Variants in TM7SF3 observed in about 807,000 individuals in gnomAD.
TM7SF3 encodes the protein seven span transmembrane protein.
In TM7SF3, 60 loss-of-function variants were observed where a neutral mutation model predicts 65.5. The observed-to-expected ratio is 0.92, with a 90% CI of 0.74 to 1.14. The LOEUF (loss-of-function observed/expected upper bound fraction) is 1.14. TM7SF3 is among the 50% of genes most tolerant of loss of function. The pLI is 0.00. For synonymous variants in TM7SF3, 264 were observed against 259.6 expected, an observed-to-expected ratio of 1.02 and a Z score of -0.16; for missense variants, 623 against 684.8, an observed-to-expected ratio of 0.91 and a Z score of 1.01.
intron 1 of TM7SF3, among the ~76,000 whole-genome samples, chr12:27,011,979 A>G (rs757821064): frequency 5.9e-5 from 9 of 152,216 alleles, no homozygotes; most frequent in Non-Finnish European, 1.0e-4. Context: ...CTCCTGACTC[A>G]GGGGCTGGCC....
chr12:26,982,959 C>G, intron 6 of TM7SF3, 100 bp from the exon 7 acceptor site: 1 of 779,802 alleles, frequency 1.3e-6, no homozygotes, highest in Non-Finnish European at 2.0e-6. Flanking sequence ...AGTGAACTGA[C>G]ATAATTTATC....
intron 3 of TM7SF3, among the ~76,000 whole-genome samples, chr12:26,997,787 C>T (rs1387641575): frequency 2.0e-5 from 3 of 149,352 alleles, no homozygotes; most frequent in African/African-American, 7.4e-5. Flanking sequence ...TCAGTCAGTT[C>T]TCTTGACCTC....
intron 9 of TM7SF3, among the ~76,000 whole-genome samples, chr12:26,977,016 A>AAACT (rs1939597236): frequency 6.6e-6 from 1 of 152,044 alleles, no homozygotes; most frequent in Non-Finnish European, 1.5e-5. Context: ...ACTCCTCTTT[A>AAACT]TAAATTAAGT....
Position 26,982,806 on chromosome 12 carries a change from T to A in TM7SF3, c.922A>T (p.Ile308Phe). ...CAGAATCTGTGTCCAAAGAAACAAA[T>A]GAAGAAACCAAGCAGGGCAAAAAGA... is the stretch of plus-strand genomic sequence containing the variant. ...FTLFALLGFF[I>F]CFFGHRFWKT... Residue 308 changes from isoleucine to phenylalanine, a missense_variant, in exon 7 of 12, where the codon ATT (isoleucine) becomes TTT (phenylalanine). Physicochemically the swap from Ile to Phe is conservative, Grantham distance 21. Coordinates refer to ENST00000343028, the MANE Select transcript of TM7SF3 (RefSeq NM_016551.3). The A allele has an allele frequency of 6.2e-7, 1 of 1,609,014 alleles. No homozygotes were observed. Among genetic ancestry groups the A allele is most frequent in the South Asian group, 1.1e-5 (1 of 89,806 alleles).
chr12:26,973,801 TAATC>T lies in TM7SF3; in HGVS notation c.*160_*163del, dbSNP rs1355137816. On this transcript the variant is annotated 3_prime_UTR_variant, in exon 12 of 12. Transcript: ENST00000343028. ...CTTTCTCATTCTCTTACAATCATCCTAATCCCCTAGTACACCCTTACCATATATC... is the reference window on the plus strand; with the variant it reads ...CTTTCTCATTCTCTTACAATCATCCTCCCTAGTACACCCTTACCATATATC... 1.2e-6 allele frequency: 1 copy of T among 860,460 alleles called. No homozygotes were observed. Among genetic ancestry groups the T allele is most frequent in the East Asian group, 2.7e-5 (1 of 36,838 alleles). 53.3% of individuals were successfully genotyped at this position (860,460 alleles called of 1,614,324 possible).
In TM7SF3 at chr12:26,976,303, A is replaced by G. The variant is rs1370016846; in HGVS notation, c.1244T>C (p.Ile415Thr). Reference protein sequence around the residue: ...DGVFWVTFSCIAILIPVVFMG... With the variant: ...DGVFWVTFSCTAILIPVVFMG... The stretch of plus-strand genomic sequence containing the variant: ...GAAAACTACTGGAATGAGGATAGCT[A>G]TGCAAGAGAAAGTGACCCAGAATAC... The change falls in exon 10 of 12, where the codon ATA (isoleucine) becomes ACA (threonine). Residue 415 changes from isoleucine to threonine, a missense_variant. Coordinates refer to ENST00000343028, the MANE Select transcript of TM7SF3 (RefSeq NM_016551.3). The G allele has an allele frequency of 6.2e-7, 1 of 1,614,080 alleles. No individual in the cohort carries two copies. The highest frequency in any genetic ancestry group is 8.5e-7 in the Non-Finnish European group (1 of 1,179,976).
intron 2 of TM7SF3, among the ~76,000 whole-genome samples, 165 bp downstream of exon 2, chr12:27,003,071 C>G (rs1224839813): frequency 1.3e-5 from 2 of 152,150 alleles, no homozygotes; most frequent in Non-Finnish European, 2.9e-5. Context: ...GCCTGAGATA[C>G]TCTCAGTCAC....
Position 26,974,060 on chromosome 12 carries a change from G to A in TM7SF3, c.1618C>T (p.Pro540Ser), listed in dbSNP as rs1462245234. 1.2e-6 allele frequency: 2 copies of A among 1,614,140 alleles called. No homozygotes were observed. The highest frequency in any genetic ancestry group is 1.7e-5 in the Admixed American group (1 of 60,014). The change falls in exon 12 of 12, where the codon CCA (proline) becomes TCA (serine). Residue 540 changes from proline (P) to serine (S), a missense_variant. Pro to Ser is a moderately conservative substitution (Grantham distance 74). Coordinates refer to ENST00000343028, the MANE Select transcript of TM7SF3 (RefSeq NM_016551.3). Reference protein sequence around the residue: ...NILDPSYHIPPLRERLYGRLT... With the variant: ...NILDPSYHIPSLRERLYGRLT... ...CGGCCATAGAGCCTCTCTCTCAATGGAGGAATGTGGTAGCTAGGGTCCAGA... is the reference window on the plus strand; with the variant it reads ...CGGCCATAGAGCCTCTCTCTCAATGAAGGAATGTGGTAGCTAGGGTCCAGA...
chr12:26,991,946 G>C (rs1408650093), intron 5 of TM7SF3, among the ~76,000 whole-genome samples: 1 of 152,142 alleles, frequency 6.6e-6, no homozygotes, highest in Non-Finnish European at 1.5e-5. Flanking sequence ...ATCGCAGGGG[G>C]CAGTCTTGTT....
intron 1 of TM7SF3, among the ~76,000 whole-genome samples, chr12:27,004,056 C>T (rs1940938361): frequency 6.6e-6 from 1 of 152,082 alleles, no homozygotes; most frequent in Non-Finnish European, 1.5e-5. Context: ...AAACTGAGTC[C>T]ATAAAAAAGA....
chr12:26,989,645 C>T, intron 6 of TM7SF3, among the ~76,000 whole-genome samples: 1 of 150,820 alleles, frequency 6.6e-6, no homozygotes, highest in South Asian at 2.1e-4. Flanking sequence ...TTCTGAGAAA[C>T]CATTTCAAGA....
At chr12:26,995,099 A>G (rs1314295611) in intron 5 of TM7SF3, 138 bp downstream of exon 5, 3 of 841,466 alleles carry the variant, frequency 3.6e-6, no homozygotes, top group African/African-American at 3.4e-5. Context: ...TCCCAAGATG[A>G]TAACAAAAGA....
chr12:26,997,804 G>A, intron 3 of TM7SF3, among the ~76,000 whole-genome samples: 1 of 148,288 alleles, frequency 6.7e-6, no homozygotes, highest in African/African-American at 2.5e-5. Context: ...CCTCTCCGTA[G>A]ACTGTAACTT....
At chr12:26,998,432 A>G (rs1271240970) in intron 3 of TM7SF3, among the ~76,000 whole-genome samples, 2 of 152,162 alleles carry the variant, frequency 1.3e-5, no homozygotes, top group African/African-American at 2.4e-5. Flanking sequence ...ATGTCCTACA[A>G]GCATCTCAGA....
At chr12:27,002,006 T>C (rs569525790) in intron 2 of TM7SF3, among the ~76,000 whole-genome samples, 1 of 152,266 alleles carries the variant, frequency 6.6e-6, no homozygotes, top group South Asian at 2.1e-4. Context: ...ATTCTTCCAT[T>C]TCTAGTCTAT....
At chr12:26,991,063 AC>A (rs1368156380) in intron 5 of TM7SF3, among the ~76,000 whole-genome samples, 2 of 152,104 alleles carry the variant, frequency 1.3e-5, no homozygotes, top group Non-Finnish European at 2.9e-5. Context: ...CATCTCGCAG[AC>A]AGTACCCACT....
chr12:27,012,939 A>T (rs1941302160), intron 1 of TM7SF3: 3 of 338,130 alleles, frequency 8.9e-6, no homozygotes, highest in African/African-American at 2.2e-5. Flanking sequence ...CGGAGGTTGC[A>T]GTCAGCCAAG....
chr12:27,002,451 T>C (rs979575221), intron 2 of TM7SF3, among the ~76,000 whole-genome samples: 1 of 151,924 alleles, frequency 6.6e-6, no homozygotes, highest in Non-Finnish European at 1.5e-5. Context: ...AAAATAAAAA[T>C]TTTAAAAATT....
chr12:26,990,777 G>A, intron 5 of TM7SF3, 150 bp from the exon 6 acceptor site: 1 of 572,660 alleles, frequency 1.7e-6, no homozygotes, highest in Non-Finnish European at 3.0e-6. Flanking sequence ...ATGGTCAAAA[G>A]GCCATCTTAC....
Sources: gnomAD v4.1 joint callset for allele counts (sites outside exome capture counted in the v4.1 genomes callset) on GRCh38, gnomAD v4.1.1 for gene constraint, MANE v1.5 for transcripts, NCBI Gene and HGNC (gene_info 2026-07-23, HGNC 2026-07-21) for gene names.